The following TAFA2 variants were observed in gnomAD, a reference collection of about 807,000 sequenced individuals.
TAFA2 encodes the protein chemokine-like protein TAFA-2.
A neutral mutation model predicts 18.8 loss-of-function variants in TAFA2; 7 were observed. That is an observed-to-expected ratio of 0.37 (90% CI 0.21 to 0.70). TAFA2 has a LOEUF of 0.70. Among genes scored for constraint, TAFA2 ranks in the 30% least tolerant of loss-of-function variants. TAFA2 has a pLI of 0.53. For synonymous variants in TAFA2, 60 were observed against 54.2 expected, an observed-to-expected ratio of 1.11 and a Z score of -0.47; for missense variants, 122 against 158.1, an observed-to-expected ratio of 0.77 and a Z score of 1.23.
chr12:61,714,217 T>G (rs577267288), intron 4 of TAFA2, among the ~76,000 whole-genome samples: 1 of 152,312 alleles, frequency 6.6e-6, no homozygotes, highest in Admixed American at 6.5e-5. Flanking sequence ...TGCCTTGAGC[T>G]TCATGCGCTA....
chr12:62,199,308 G>T (rs1367035596), intron 1 of TAFA2, among the ~76,000 whole-genome samples: 7 of 151,980 alleles, frequency 4.6e-5, no homozygotes, highest in African/African-American at 1.7e-4. Flanking sequence ...CCATCACCTG[G>T]GTATTATACC....
At chr12:61,800,916 A>C (rs1489759226) in intron 2 of TAFA2, among the ~76,000 whole-genome samples, 1 of 152,178 alleles carries the variant, frequency 6.6e-6, no homozygotes, top group East Asian at 1.9e-4. Context: ...CAAAGAGAAA[A>C]AAGATAATGA....
chr12:61,897,236 C>T (rs1351888950), intron 1 of TAFA2, among the ~76,000 whole-genome samples: 1 of 152,116 alleles, frequency 6.6e-6, no homozygotes. Flanking sequence ...GCTGACTGTA[C>T]ATCCTTAATG....
chr12:61,912,808 A>T (rs1401795180), intron 1 of TAFA2, among the ~76,000 whole-genome samples: 1 of 152,242 alleles, frequency 6.6e-6, no homozygotes, highest in African/African-American at 2.4e-5. Context: ...GAAAATTCAC[A>T]GAACATTAAA....
intron 1 of TAFA2, among the ~76,000 whole-genome samples, chr12:61,891,053 T>G (rs1449412525): frequency 3.3e-5 from 5 of 152,212 alleles, no homozygotes; most frequent in African/African-American, 4.8e-5. Flanking sequence ...GTTCTATTTC[T>G]GGAGCTATAA....
At chr12:61,796,870 C>G (rs1332991546) in intron 2 of TAFA2, among the ~76,000 whole-genome samples, 1 of 152,014 alleles carries the variant, frequency 6.6e-6, no homozygotes, top group Non-Finnish European at 1.5e-5. Flanking sequence ...CATGGTTAAC[C>G]TGAAATTTAC....
In TAFA2 at chr12:61,788,526, T is replaced by C. The variant is rs191987283; in HGVS notation, c.107-33502A>G. ...AATATCTTTTCTGATCACAATAGTA[T>C]AAAGCTAAAAAAGGAATAATAAAGA... On this transcript the variant is annotated intron_variant, in intron 2 of 4. Coordinates refer to ENST00000416284, the MANE Select transcript of TAFA2 (RefSeq NM_178539.5). Among the ~76,000 whole-genome samples the C allele has an allele frequency of 1.1e-3, 173 of 151,636 alleles. 2 individuals carry two copies. Among genetic ancestry groups the C allele is most frequent in the African/African-American group, 3.9e-3 (162 of 41,444 alleles).
chr12:62,060,377 C>T (rs144924456), intron 1 of TAFA2, among the ~76,000 whole-genome samples: 66 of 152,248 alleles, frequency 4.3e-4, no homozygotes, highest in African/African-American at 1.4e-3. Context: ...TTATAATGTC[C>T]TAGATCAATG....
At chr12:61,753,045 G>A (rs1307342933) in intron 4 of TAFA2, among the ~76,000 whole-genome samples, 3 of 151,652 alleles carry the variant, frequency 2.0e-5, no homozygotes, top group Non-Finnish European at 4.4e-5. Context: ...TAATTACAAA[G>A]CTGAAATACA....
At chr12:62,148,759 C>T (rs1265415693) in intron 1 of TAFA2, among the ~76,000 whole-genome samples, 4 of 152,162 alleles carry the variant, frequency 2.6e-5, no homozygotes, top group Non-Finnish European at 5.9e-5. Context: ...TTTTGTCTCA[C>T]TAATCTTGAG....
chr12:62,086,977 A>G (rs1447125024), intron 1 of TAFA2, among the ~76,000 whole-genome samples: 1 of 152,196 alleles, frequency 6.6e-6, no homozygotes, highest in Non-Finnish European at 1.5e-5. Context: ...CAATTCTGAC[A>G]CATGCTACAA....
chr12:61,783,583 T>C (rs979904256), intron 2 of TAFA2, among the ~76,000 whole-genome samples: 6 of 151,590 alleles, frequency 4.0e-5, no homozygotes, highest in Non-Finnish European at 8.9e-5. Flanking sequence ...GCTAACAAAG[T>C]ATTCTTTATT....
At chr12:62,014,144 C>T (rs541975285) in intron 1 of TAFA2, among the ~76,000 whole-genome samples, 11 of 150,932 alleles carry the variant, frequency 7.3e-5, no homozygotes, top group African/African-American at 2.2e-4. Context: ...CATCGAAAAC[C>T]TTAATTTTAT....
intron 1 of TAFA2, among the ~76,000 whole-genome samples, chr12:61,899,056 T>C (rs569702457): frequency 7.9e-5 from 12 of 152,248 alleles, no homozygotes; most frequent in African/African-American, 2.9e-4. Context: ...TCACCTTTAC[T>C]CCAGTTCCCA....
chr12:62,023,004 A>G (rs1165445903), intron 1 of TAFA2, among the ~76,000 whole-genome samples: 1 of 152,202 alleles, frequency 6.6e-6, no homozygotes, highest in Admixed American at 6.5e-5. Flanking sequence ...TCTTATTAAA[A>G]TATTTACCTA....
chr12:62,233,811 G>A (rs1162442471), intron 1 of TAFA2, among the ~76,000 whole-genome samples: 1 of 152,198 alleles, frequency 6.6e-6, no homozygotes, highest in African/African-American at 2.4e-5. Context: ...TGGGAGCTTG[G>A]ATGGAGGGCA....
chr12:61,873,805 T>C (rs545133925), intron 1 of TAFA2, among the ~76,000 whole-genome samples: 9 of 152,114 alleles, frequency 5.9e-5, no homozygotes, highest in Admixed American at 5.9e-4. Context: ...ATATAGAATA[T>C]CCAAGTTATT....
At chr12:62,229,148 A>G (rs924639389) in intron 1 of TAFA2, among the ~76,000 whole-genome samples, 2 of 152,122 alleles carry the variant, frequency 1.3e-5, no homozygotes, top group Admixed American at 6.5e-5. Context: ...CTATTATGTC[A>G]TCTGCAAACA....
intron 1 of TAFA2, among the ~76,000 whole-genome samples, chr12:62,009,721 T>A (rs568185677): frequency 6.6e-6 from 1 of 152,328 alleles, no homozygotes; most frequent in East Asian, 1.9e-4. Flanking sequence ...CTATTCCTTG[T>A]TTTGCAGATG....
Sources: allele counts gnomAD v4.1 joint callset (sites outside exome capture counted in the v4.1 genomes callset), GRCh38; gene constraint gnomAD v4.1.1; transcripts MANE v1.5; gene names NCBI Gene and HGNC (gene_info 2026-07-23, HGNC 2026-07-21).